The following CYP7B1 variants were observed in gnomAD, a reference collection of about 807,000 sequenced individuals.
CYP7B1 encodes the protein cytochrome P450 family 7 subfamily B member 1, also known as cytochrome P450 7B1.
In CYP7B1, 29 loss-of-function variants were observed where a neutral mutation model predicts 42.7. The observed-to-expected ratio is 0.68, with a 90% CI of 0.51 to 0.93. The LOEUF (loss-of-function observed/expected upper bound fraction) is 0.93, where lower values mean the gene tolerates loss of function less well. Ranked by LOEUF, CYP7B1 falls within the 40% of genes least tolerant of loss-of-function variation. The probability of loss-of-function intolerance (pLI) is 0.00; values close to 1 mark genes in which losing one functional copy is unlikely to be tolerated. For synonymous variants in CYP7B1, 235 were observed against 218.2 expected, an observed-to-expected ratio of 1.08 and a Z score of -0.68; for missense variants, 655 against 600.5, an observed-to-expected ratio of 1.09 and a Z score of -0.95.
Position 64,683,812 on chromosome 8 carries a change from T to C in CYP7B1, c.123-59273A>G, listed in dbSNP as rs561070541. 1.2e-4 allele frequency among the ~76,000 whole-genome samples: 18 copies of C among 152,264 alleles called. No homozygotes were observed. The South Asian group carries it at 2.1e-3, about 18-fold the overall frequency. On this transcript the variant is annotated intron_variant, in intron 1 of 5. Coordinates refer to ENST00000310193, the MANE Select transcript of CYP7B1 (RefSeq NM_004820.5). ...GAGCCTTTAAAAATACTTTTTTTTT[T>C]CCCTGTTCCTACACCTTGCCAGTCA...
intron 1 of CYP7B1, chr8:64,728,011 C>G (rs892340046): frequency 6.6e-6 from 1 of 152,236 alleles, no homozygotes; most frequent in African/African-American, 2.4e-5. Context: ...ATGCTTGCCA[C>G]TCATTTGGAC....
chr8:64,778,622 C>T (rs947728899), intron 1 of CYP7B1, among the ~76,000 whole-genome samples: 2 of 152,076 alleles, frequency 1.3e-5, no homozygotes, highest in Non-Finnish European at 2.9e-5. Flanking sequence ...ACTAAACTGT[C>T]TATAATTAAT....
chr8:64,751,372 C>A (rs778804534), intron 1 of CYP7B1, among the ~76,000 whole-genome samples: 2 of 152,068 alleles, frequency 1.3e-5, no homozygotes, highest in Non-Finnish European at 2.9e-5. Flanking sequence ...ATGGTATAAA[C>A]ATTTTCATGC....
At chr8:64,744,739 A>G (rs1368855252) in intron 1 of CYP7B1, among the ~76,000 whole-genome samples, 1 of 152,194 alleles carries the variant, frequency 6.6e-6, no homozygotes, top group East Asian at 1.9e-4. Context: ...TCACTGCAAT[A>G]TAAAGCAAGA....
downstream of CYP7B1, chr8:64,587,908 G>C (rs1038735502): frequency 3.9e-5 from 6 of 152,146 alleles, no homozygotes; most frequent in Non-Finnish European, 8.8e-5. Context: ...GATGGACAAG[G>C]CTCACAAGTC....
intron 1 of CYP7B1, among the ~76,000 whole-genome samples, chr8:64,661,400 A>C (rs1001542085): frequency 2.6e-5 from 4 of 152,204 alleles, no homozygotes; most frequent in African/African-American, 9.7e-5. Context: ...TCAGCTCAAG[A>C]ACTTTGGTGC....
chr8:64,643,090 T>TATATATACATATATATAC (rs1554527617), intron 1 of CYP7B1, among the ~76,000 whole-genome samples: 14 of 143,442 alleles, frequency 9.8e-5, no homozygotes, highest in African/African-American at 3.8e-4. Context: ...TGTGTGTGTA[T>TATATATACATATATATAC]ATATATACAC....
At chr8:64,793,499 T>C (rs1442458964) in intron 1 of CYP7B1, among the ~76,000 whole-genome samples, 1 of 152,116 alleles carries the variant, frequency 6.6e-6, no homozygotes. Context: ...ATTTGGGAAG[T>C]GGGTATCTGT....
In CYP7B1 at chr8:64,596,914, G is replaced by T; in HGVS notation, c.1249C>A (p.Arg417Ser). 1 of 1,610,644 alleles carries T rather than the reference G, an allele frequency of 6.2e-7. No individual in the cohort carries two copies. The highest frequency in any genetic ancestry group is 8.5e-7 in the Non-Finnish European group (1 of 1,177,508). Reference protein sequence around the residue: ...FEAPEEFRYDRFIEDGKKKTT... With the variant: ...FEAPEEFRYDSFIEDGKKKTT... ...TTCTTCTTACCATCTTCTATAAAAC[G>T]ATCATATCTAAACTCCTGTAAGGAA... The change falls in exon 6 of 6, where the codon CGT (arginine) becomes AGT (serine). Residue 417 changes from arginine to serine, a missense_variant. Coordinates refer to ENST00000310193, the MANE Select transcript of CYP7B1 (RefSeq NM_004820.5).
At chr8:64,617,013 C>A (rs1259645514) in intron 2 of CYP7B1, among the ~76,000 whole-genome samples, 9 of 152,058 alleles carry the variant, frequency 5.9e-5, no homozygotes, top group Admixed American at 5.9e-4. Flanking sequence ...TTTTGAGATA[C>A]AATTATGTAT....
chr8:64,671,412 G>A (rs1050189024), intron 1 of CYP7B1, among the ~76,000 whole-genome samples: 1 of 152,032 alleles, frequency 6.6e-6, no homozygotes, highest in Non-Finnish European at 1.5e-5. Flanking sequence ...GTTGGATGAA[G>A]TACTTCATTC....
At chr8:64,756,019 T>G (rs1379850301) in intron 1 of CYP7B1, among the ~76,000 whole-genome samples, 1 of 152,204 alleles carries the variant, frequency 6.6e-6, no homozygotes, top group Admixed American at 6.5e-5. Context: ...CTGAGCCCTA[T>G]TCTAAAAGTT....
intron 1 of CYP7B1, among the ~76,000 whole-genome samples, chr8:64,673,779 C>T (rs1806401980): frequency 6.6e-6 from 1 of 152,056 alleles, no homozygotes; most frequent in African/African-American, 2.4e-5. Flanking sequence ...GCCCTGCAAA[C>T]CTGCAAATTA....
chr8:64,685,201 G>C (rs9773824), intron 1 of CYP7B1, among the ~76,000 whole-genome samples: 6 of 151,126 alleles, frequency 4.0e-5, no homozygotes, highest in Admixed American at 2.0e-4. Flanking sequence ...AGGAGCGGAC[G>C]GGCCCCGCGG....
chr8:64,586,645 CA>C (rs1291238675), downstream of CYP7B1, among the ~76,000 whole-genome samples: 1 of 152,182 alleles, frequency 6.6e-6, no homozygotes, highest in Non-Finnish European at 1.5e-5. Context: ...TGGGAGGGAA[CA>C]ACTACACAAA....
At chr8:64,629,121 G>A (rs1805650896) in intron 1 of CYP7B1, among the ~76,000 whole-genome samples, 1 of 151,910 alleles carries the variant, frequency 6.6e-6, no homozygotes, top group Non-Finnish European at 1.5e-5. Context: ...CAGCTACTCG[G>A]GAGGCTGAGG....
At chr8:64,723,370 G>T (rs1246909279) in intron 1 of CYP7B1, among the ~76,000 whole-genome samples, 1 of 152,172 alleles carries the variant, frequency 6.6e-6, no homozygotes, top group Non-Finnish European at 1.5e-5. Flanking sequence ...TGCCAAAATA[G>T]ATGTGCTATG....
intron 1 of CYP7B1, among the ~76,000 whole-genome samples, chr8:64,730,751 G>GCACATGTCTGCA (rs1554536386): frequency 7.0e-6 from 1 of 142,864 alleles, no homozygotes; most frequent in Non-Finnish European, 1.5e-5. Flanking sequence ...AGGACTGTCT[G>GCACATGTCTGCA]CACACACACA....
intron 1 of CYP7B1, among the ~76,000 whole-genome samples, chr8:64,756,248 G>C (rs1408870051): frequency 6.6e-6 from 1 of 152,148 alleles, no homozygotes; most frequent in African/African-American, 2.4e-5. Context: ...TGTCCAATGA[G>C]ATGATTTTGG....
Sources: allele counts gnomAD v4.1 joint callset (sites outside exome capture counted in the v4.1 genomes callset), GRCh38; gene constraint gnomAD v4.1.1; transcripts MANE v1.5; gene names NCBI Gene and HGNC (gene_info 2026-07-23, HGNC 2026-07-21).